CA10: variants seen among roughly 807,000 people sequenced by gnomAD.
CA10 encodes carbonic anhydrase-related protein 10.
A neutral mutation model predicts 44.2 loss-of-function variants in CA10; 14 were observed. The observed-to-expected ratio is 0.32, with a 90% CI of 0.21 to 0.50. The LOEUF is 0.50. Among genes scored for constraint, CA10 ranks in the 20% least tolerant of loss-of-function variants. The pLI is 0.99. For missense variants in CA10, 350 were observed against 409.7 expected (o/e 0.85, Z 1.26); for synonymous variants, 159 against 141.6 (o/e 1.12, Z -0.87).
chr17:51,748,092 AT>A lies in CA10; in HGVS notation c.280-275del, dbSNP rs1172303770. Among the ~76,000 whole-genome samples the A allele has an allele frequency of 1.8e-4, 28 of 152,338 alleles. No homozygotes were observed. In the South Asian group the frequency reaches 4.6e-3, roughly 25 times the overall value. ...TTGTGATTAATATTTTGTGCATTGT[AT>A]TTTATAAAAAATGAATTTGTCCTTC... On this transcript the variant is annotated intron_variant, in intron 3 of 8. Transcript: ENST00000451037.
At chr17:51,676,541 A>T (rs1461338829) in intron 4 of CA10, among the ~76,000 whole-genome samples, 1 of 152,218 alleles carries the variant, frequency 6.6e-6, no homozygotes, top group African/African-American at 2.4e-5. Flanking sequence ...GAAGCCCTCT[A>T]GGTGTTTCTG....
At chr17:51,883,125 C>A (rs1980449033) in intron 3 of CA10, among the ~76,000 whole-genome samples, 2 of 152,206 alleles carry the variant, frequency 1.3e-5, no homozygotes, top group African/African-American at 4.8e-5. Context: ...ACATTTACTC[C>A]TTAGCACTTT....
intron 2 of CA10, among the ~76,000 whole-genome samples, chr17:52,012,963 A>T (rs1436220894): frequency 6.6e-6 from 1 of 152,006 alleles, no homozygotes; most frequent in Non-Finnish European, 1.5e-5. Context: ...GAAAATACCA[A>T]TGTAGCTTAC....
At chr17:52,048,025 C>A (rs1278037920) in intron 2 of CA10, among the ~76,000 whole-genome samples, 1 of 149,470 alleles carries the variant, frequency 6.7e-6, no homozygotes, top group South Asian at 2.2e-4. Flanking sequence ...TCCATCCAAT[C>A]TCCCACACCC....
intron 2 of CA10, among the ~76,000 whole-genome samples, chr17:51,952,631 T>TA: frequency 6.6e-6 from 1 of 151,894 alleles, no homozygotes; most frequent in Admixed American, 6.6e-5. Context: ...ATGGTAAAAA[T>TA]AAAAAATGTT....
intron 4 of CA10, among the ~76,000 whole-genome samples, chr17:51,723,728 G>A (rs901947331): frequency 1.3e-5 from 2 of 152,150 alleles, no homozygotes; most frequent in African/African-American, 4.8e-5. Context: ...TATCTTTGCC[G>A]AAATCAGAAT....
At chr17:52,048,644 C>T (rs887754292) in intron 2 of CA10, among the ~76,000 whole-genome samples, 1 of 151,912 alleles carries the variant, frequency 6.6e-6, no homozygotes, top group Non-Finnish European at 1.5e-5. Flanking sequence ...TAGGAGCCCT[C>T]AGGGTGGGGT....
At chr17:52,156,586 G>T (rs1257900281) in intron 1 of CA10, among the ~76,000 whole-genome samples, 2 of 152,198 alleles carry the variant, frequency 1.3e-5, no homozygotes, top group African/African-American at 4.8e-5. Context: ...CCAGAATCAG[G>T]TCTGGCTTAA....
chr17:52,152,458 A>G (rs894604244), intron 1 of CA10, among the ~76,000 whole-genome samples: 5 of 152,038 alleles, frequency 3.3e-5, no homozygotes, highest in Admixed American at 3.3e-4. Context: ...CTTTTTGATG[A>G]TGAGGTCCCC....
In CA10 at chr17:52,077,928, G is replaced by T. The variant is rs138831124; in HGVS notation, c.62-5535C>A. Among the ~76,000 whole-genome samples the T allele has an allele frequency of 7.3e-4, 111 of 152,204 alleles. 2 individuals are homozygous for T. In the South Asian group the frequency reaches 0.022, roughly 30 times the overall value. The stretch of plus-strand genomic sequence containing the variant: ...CTGAACAATATCTTGATCCCCTTTT[G>T]TTCTTCCCACAAGTCCATAAACTCT... On this transcript the variant is annotated intron_variant, in intron 1 of 8. Coordinates refer to ENST00000451037, the MANE Select transcript of CA10 (RefSeq NM_020178.5).
chr17:51,915,038 T>C (rs993885558), intron 3 of CA10, among the ~76,000 whole-genome samples: 1 of 152,222 alleles, frequency 6.6e-6, no homozygotes, highest in African/African-American at 2.4e-5. Context: ...TTCATCTATT[T>C]ATTATTTCAT....
intron 2 of CA10, among the ~76,000 whole-genome samples, chr17:51,947,862 G>C (rs1458908066): frequency 1.3e-5 from 2 of 151,980 alleles, no homozygotes; most frequent in African/African-American, 4.8e-5. Context: ...CATATGTCCA[G>C]TTGTGAGGTT....
At chr17:52,130,974 A>C (rs755390733) in intron 1 of CA10, among the ~76,000 whole-genome samples, 13 of 152,198 alleles carry the variant, frequency 8.5e-5, no homozygotes, top group Non-Finnish European at 1.6e-4. Context: ...GTAGATTCTA[A>C]GTGTTTTTTA....
At chr17:51,654,627 G>A (rs771615598) in intron 4 of CA10, among the ~76,000 whole-genome samples, 1 of 151,470 alleles carries the variant, frequency 6.6e-6, no homozygotes, top group African/African-American at 2.4e-5. Context: ...CGCGATTTCA[G>A]CTCACTGCAA....
chr17:51,991,907 C>G (rs1286883987), intron 2 of CA10, among the ~76,000 whole-genome samples: 7 of 152,090 alleles, frequency 4.6e-5, no homozygotes, highest in Admixed American at 4.6e-4. Flanking sequence ...TCCAGCTCTG[C>G]CCTCTCACCT....
At chr17:51,744,738 T>G (rs1904611561) in intron 4 of CA10, among the ~76,000 whole-genome samples, 1 of 152,226 alleles carries the variant, frequency 6.6e-6, no homozygotes, top group Non-Finnish European at 1.5e-5. Context: ...AATTCCATCT[T>G]TTTGTAGCTA....
chr17:51,715,683 T>C (rs1916087194), intron 4 of CA10, among the ~76,000 whole-genome samples: 1 of 152,114 alleles, frequency 6.6e-6, no homozygotes, highest in Non-Finnish European at 1.5e-5. Context: ...CAGAGAGTAG[T>C]CTTGTTCATT....
chr17:51,796,715 A>G (rs1906723585), intron 3 of CA10, among the ~76,000 whole-genome samples: 1 of 152,102 alleles, frequency 6.6e-6, no homozygotes, highest in Non-Finnish European at 1.5e-5. Flanking sequence ...TCCTAACTTT[A>G]ATGTAACATC....
chr17:51,684,452 T>G (rs148536997), intron 4 of CA10, among the ~76,000 whole-genome samples: 2 of 152,274 alleles, frequency 1.3e-5, no homozygotes, highest in East Asian at 3.9e-4. Context: ...GTCATGTGAG[T>G]GGAGGCTGGT....
Sources: allele counts gnomAD v4.1 joint callset (sites outside exome capture counted in the v4.1 genomes callset), GRCh38; gene constraint gnomAD v4.1.1; transcripts MANE v1.5; gene names NCBI Gene and HGNC (gene_info 2026-07-23, HGNC 2026-07-21).